SRSF6: variants seen among roughly 807,000 people sequenced by gnomAD.
The protein encoded by SRSF6 is serine and arginine rich splicing factor 6, also known as serine/arginine-rich splicing factor 6.
SRSF6 carries 17 observed loss-of-function variants against 42.0 expected under a neutral mutation model. That is an observed-to-expected ratio of 0.40 (90% CI 0.28 to 0.61). SRSF6 has a LOEUF of 0.61. Among genes scored for constraint, SRSF6 ranks in the 20% least tolerant of loss-of-function variants. The probability of loss-of-function intolerance (pLI) is 0.37; values close to 1 mark genes in which losing one functional copy is unlikely to be tolerated. For missense variants in SRSF6, 379 were observed against 471.4 expected (o/e 0.80, Z 1.81); for synonymous variants, 204 against 166.7 (o/e 1.22, Z -1.72).
intron 1 of SRSF6, 106 bp from the exon 2 acceptor site, chr20:43,458,255 C>A: frequency 7.1e-7 from 1 of 1,402,776 alleles, no homozygotes; most frequent in Admixed American, 3.4e-5. Flanking sequence ...TCAAAGATGG[C>A]GACGGCGCGG....
chr20:43,462,615 T>A lies in SRSF6; in HGVS notation c.*1552T>A, dbSNP rs1374020518. ...TGTAGATTCAAATAATCCAGAAATA[T>A]ACCTAATAAGATTGAGTGAAAAATT... On this transcript the variant is annotated 3_prime_UTR_variant, in exon 6 of 6. Coordinates refer to ENST00000244020, the MANE Select transcript of SRSF6 (RefSeq NM_006275.6). 1 of 152,164 alleles carries A rather than the reference T, an allele frequency of 6.6e-6. No individual in the cohort carries two copies. The highest frequency in any genetic ancestry group is 1.5e-5 in the Non-Finnish European group (1 of 68,028). The allele number at this position is 152,164 out of a possible 1,614,324, so 9.4% of individuals were successfully genotyped here.
intron 2 of SRSF6, chr20:43,459,297 G>C: frequency 7.4e-7 from 1 of 1,352,126 alleles, no homozygotes; most frequent in Non-Finnish European, 9.8e-7. Context: ...GCAGCCTTTT[G>C]CCATTAGACG....
Position 43,459,841 on chromosome 20 carries a change from A to G in SRSF6, c.327A>G (p.Glu109=), listed in dbSNP as rs1301190682. The G allele has an allele frequency of 3.1e-6, 5 of 1,612,166 alleles. No homozygotes were observed. The highest frequency in any genetic ancestry group is 1.7e-4 in the Middle Eastern group (1 of 6,032). Residue 109 remains glutamate (E), a synonymous_variant, in exon 3 of 6, where the codon GAA becomes GAG. Transcript: ENST00000244020. ...AATACGGACCACCTGTTCGTACAGA[A>G]TACAGGCTTATTGTAGAAAATCTTT... The part of the protein sequence containing the change: ...RDKYGPPVRT[E]YRLIVENLSS...
At position 43,457,956 on chromosome 20, in the gene SRSF6, C is replaced by CCCCGCA. The variant is rs1260049690; in HGVS notation, c.-69_-64dup. 3.3e-5 allele frequency: 41 copies of CCCCGCA among 1,253,706 alleles called. No individual in the cohort carries two copies. Among genetic ancestry groups the CCCCGCA allele is most frequent in the African/African-American group, 4.5e-5 (3 of 66,110 alleles). 77.7% of individuals were successfully genotyped at this position (1,253,706 alleles called of 1,614,324 possible). A position where few individuals can be genotyped will look rare whatever the true frequency, so the allele number is the denominator to read the frequency against. On this transcript the variant is annotated 5_prime_UTR_variant, in exon 1 of 6. Transcript: ENST00000244020. The stretch of plus-strand genomic sequence containing the variant: ...AGGCGCGTGTTCGGGCTCTTGCCGT[C>CCCCGCA]CCCGCACCCGCACCGCGGTTACTGG...
rs768395659 is a variant in SRSF6, at chr20:43,460,024, G to A, written c.382-9G>A. 1 of 1,614,196 alleles carries A rather than the reference G, an allele frequency of 6.2e-7. No homozygotes were observed. The highest frequency in any genetic ancestry group is 2.2e-5 in the East Asian group (1 of 44,884). ...AAGATTTCCGAGTCTGACCAATCTT[G>A]TCTTTCAGGATTTTATGCGACAAGC... On this transcript the variant is annotated splice_polypyrimidine_tract_variant and intron_variant, in intron 3 of 5. Transcript: ENST00000244020.
chr20:43,458,306 G>C (rs1376186257), intron 1 of SRSF6, 55 bp from the exon 2 acceptor site: 2 of 1,446,906 alleles, frequency 1.4e-6, no homozygotes, highest in East Asian at 2.9e-5. Context: ...GCGCGCACGT[G>C]CGCGTCCTGG....
chr20:43,459,631 C>G, intron 2 of SRSF6, 140 bp from the exon 3 acceptor site: 1 of 1,405,060 alleles, frequency 7.1e-7, no homozygotes, highest in East Asian at 2.4e-5. Context: ...TGGCAAATCA[C>G]AAATGTGTCG....
At position 43,461,020 on chromosome 20, in the gene SRSF6, G is replaced by A. The variant is rs777495508; in HGVS notation, c.992G>A (p.Arg331His). The stretch of plus-strand genomic sequence containing the variant: ...ACTTCAAGATCCCGTTCTAGATCTC[G>A]CTCAAAGTCAAGATCAAGGTCCAGG... ...RATSRSRSRS[R>H]SKSRSRSRSS... Residue 331 changes from arginine to histidine, a missense_variant, in exon 6 of 6, where the codon CGC (arginine) becomes CAC (histidine). Coordinates refer to ENST00000244020, the MANE Select transcript of SRSF6 (RefSeq NM_006275.6). 1.2e-5 allele frequency: 19 copies of A among 1,604,160 alleles called. No homozygotes were observed. The highest frequency in any genetic ancestry group is 3.3e-4 in the Middle Eastern group (2 of 5,994).
intron 2 of SRSF6, chr20:43,459,449 A>G (rs1423193812): frequency 9.6e-6 from 12 of 1,250,056 alleles, no homozygotes; most frequent in East Asian, 9.3e-5. Context: ...ACTAGTAAAC[A>G]TTTTTGTAAA....
chr20:43,458,638 C>A, intron 2 of SRSF6, 129 bp downstream of exon 2: 1 of 969,288 alleles, frequency 1.0e-6, no homozygotes, highest in Non-Finnish European at 1.4e-6. Flanking sequence ...CCGAGCCCCG[C>A]TGCCTTCACG....
intron 2 of SRSF6, 119 bp from the exon 3 acceptor site, chr20:43,459,652 A>G: frequency 6.7e-7 from 1 of 1,501,584 alleles, no homozygotes; most frequent in South Asian, 1.2e-5. Flanking sequence ...AAGGTTTAGC[A>G]ATATAATAGC....
In SRSF6 at chr20:43,462,318, T is replaced by C. The variant is rs2017616477; in HGVS notation, c.*1255T>C. 1.3e-5 allele frequency: 2 copies of C among 152,242 alleles called. No individual in the cohort carries two copies. Among genetic ancestry groups the C allele is most frequent in the South Asian group, 2.1e-4 (1 of 4,834 alleles). The allele number at this position is 152,242 out of a possible 1,614,324, so 9.4% of individuals were successfully genotyped here. On this transcript the variant is annotated 3_prime_UTR_variant, in exon 6 of 6. Transcript: ENST00000244020. ...AGTTACTAGGTTAGCAATTAGTCCA[T>C]ACATCCATAAGCCTGATGAGTTGAA... is the stretch of plus-strand genomic sequence containing the variant.
rs376527729 is a variant in SRSF6, at chr20:43,461,087, T to C, written c.*24T>C. 1.3e-6 allele frequency: 2 copies of C among 1,532,606 alleles called. No individual in the cohort carries two copies. Among genetic ancestry groups the C allele is most frequent in the Non-Finnish European group, 1.8e-6 (2 of 1,142,562 alleles). 94.9% of individuals were successfully genotyped at this position (1,532,606 alleles called of 1,614,324 possible). On this transcript the variant is annotated 3_prime_UTR_variant, in exon 6 of 6. Transcript: ENST00000244020. ...AACTCAGAACTCCTTGTTTGCACAT[T>C]ATTATGGAACACTTTCCTACTTAGG...
In SRSF6 at chr20:43,458,357, C is replaced by T. The variant is rs534102340; in HGVS notation, c.108-4C>T. ...CGGTTGTCCGGCCCTCGCACCGCCCCTAGGTACGGCTTCGTGGAGTTCGAG... is the reference window on the plus strand; with the variant it reads ...CGGTTGTCCGGCCCTCGCACCGCCCTTAGGTACGGCTTCGTGGAGTTCGAG... On this transcript the variant is annotated splice_region_variant and splice_polypyrimidine_tract_variant and intron_variant, in intron 1 of 5. Coordinates refer to ENST00000244020, the MANE Select transcript of SRSF6 (RefSeq NM_006275.6). 9.0e-6 allele frequency: 14 copies of T among 1,548,522 alleles called. No homozygotes were observed. The highest frequency in any genetic ancestry group is 1.2e-5 in the Non-Finnish European group (14 of 1,151,252).
chr20:43,459,934 T>C (rs1315512115), intron 3 of SRSF6, 39 bp downstream of exon 3: 3 of 1,601,022 alleles, frequency 1.9e-6, no homozygotes, highest in Non-Finnish European at 2.6e-6. Context: ...ATATGACTAA[T>C]GCTTTAAAGT....
At position 43,460,985 on chromosome 20, in the gene SRSF6, A is replaced by G. The variant is rs1363613491; in HGVS notation, c.957A>G (p.Pro319=). 1.2e-6 allele frequency: 2 copies of G among 1,613,380 alleles called. No individual in the cohort carries two copies. The highest frequency in any genetic ancestry group is 2.2e-5 in the East Asian group (1 of 44,878). ...AGGCCCGTTCTGTGTCCCCTCCACC[A>G]AAAAGAGCTACTTCAAGATCCCGTT... ...PSKARSVSPP[P]KRATSRSRSR... The change falls in exon 6 of 6, where the codon CCA becomes CCG. Residue 319 remains proline (P), a synonymous_variant. Transcript: ENST00000244020.
At chr20:43,460,645 T>C (rs769091714) in intron 5 of SRSF6, 47 bp downstream of exon 5, 3 of 1,613,324 alleles carry the variant, frequency 1.9e-6, no homozygotes, top group Non-Finnish European at 2.5e-6. Context: ...CGTACTTGTT[T>C]ATGGAGTATG....
In SRSF6 at chr20:43,460,800, C is replaced by G; in HGVS notation, c.772C>G (p.His258Asp). The G allele has an allele frequency of 1.9e-6, 3 of 1,614,142 alleles. No individual in the cohort carries two copies. Among genetic ancestry groups the G allele is most frequent in the Non-Finnish European group, 2.5e-6 (3 of 1,180,022 alleles). ...TAAGCCCAAGTCTGATCGGGGCTCC[C>G]ATTCACATTCTCGAAGCAGATCTAA... ...KSKPKSDRGS[H>D]SHSRSRSKDE... The change falls in exon 6 of 6, where the codon CAT becomes GAT. Residue 258 changes from histidine (H) to aspartate (D), a missense_variant. His to Asp is a moderately conservative substitution (Grantham distance 81). Coordinates refer to ENST00000244020, the MANE Select transcript of SRSF6 (RefSeq NM_006275.6).
chr20:43,458,400 C>G lies in SRSF6; in HGVS notation c.147C>G (p.Asp49Glu), dbSNP rs1191971527. The G allele has an allele frequency of 6.4e-7, 1 of 1,556,456 alleles. No homozygotes were observed. Among genetic ancestry groups the G allele is most frequent in the South Asian group, 1.2e-5 (1 of 84,874 alleles). The change falls in exon 2 of 6, where the codon GAC (aspartate) becomes GAG (glutamate). Residue 49 changes from aspartate (D) to glutamate (E), a missense_variant. By Grantham distance (45) the Asp-to-Glu change is conservative (BLOSUM62 2). This residue lies in a region of SRSF6 where 117 missense variants were observed against 146.8 expected (regional missense o/e 0.80). Coordinates refer to ENST00000244020, the MANE Select transcript of SRSF6 (RefSeq NM_006275.6). ...FVEFEDSRDA[D>E]DAVYELNGKE... ...AGTTCGAGGACTCCCGCGACGCCGACGACGCCGTTTACGAGCTGAACGGCA... is the reference window on the plus strand; with the variant it reads ...AGTTCGAGGACTCCCGCGACGCCGAGGACGCCGTTTACGAGCTGAACGGCA...
Sources: allele counts gnomAD v4.1 joint callset, GRCh38; gene constraint gnomAD v4.1.1; regional missense constraint gnomAD v4.1.1; transcripts MANE v1.5; gene names NCBI Gene and HGNC (gene_info 2026-07-23, HGNC 2026-07-21).